The following ACAD9 variants were observed in gnomAD, a reference collection of about 807,000 sequenced individuals.
The protein encoded by ACAD9 is acyl-CoA dehydrogenase family member 9, also known as complex I assembly factor ACAD9, mitochondrial.
In ACAD9, 53 loss-of-function variants were observed where a neutral mutation model predicts 70.2. That is an observed-to-expected ratio of 0.75 (90% CI 0.61 to 0.95). The LOEUF is 0.95. Among genes scored for constraint, ACAD9 ranks in the 40% least tolerant of loss-of-function variants. The pLI, the probability that ACAD9 is intolerant of heterozygous loss-of-function variation, is 0.00. For missense variants in ACAD9, 777 were observed against 802.8 expected (o/e 0.97, Z 0.39); for synonymous variants, 313 against 312.1 (o/e 1.00, Z -0.03).
chr3:128,906,882 A>AATT (rs1210968777), intron 12 of ACAD9, among the ~76,000 whole-genome samples: 1 of 152,170 alleles, frequency 6.6e-6, no homozygotes, highest in African/African-American at 2.4e-5. Flanking sequence ...ACAGCAGAGG[A>AATT]ATTTGGAAGC....
At chr3:128,887,180 A>G (rs1479921117) in intron 2 of ACAD9, among the ~76,000 whole-genome samples, 1 of 152,076 alleles carries the variant, frequency 6.6e-6, no homozygotes, top group South Asian at 2.1e-4. Flanking sequence ...CTGTAATCCA[A>G]AGTGCTGGGA....
At chr3:128,909,748 G>A (rs2107663802) in intron 15 of ACAD9, 2 of 603,432 alleles carry the variant, frequency 3.3e-6, no homozygotes, top group Non-Finnish European at 5.8e-6. Flanking sequence ...GCTGAAGGTG[G>A]CAGTAGCACA....
chr3:128,891,643 G>A (rs1935424816), intron 2 of ACAD9, among the ~76,000 whole-genome samples: 1 of 152,122 alleles, frequency 6.6e-6, no homozygotes, highest in East Asian at 1.9e-4. Flanking sequence ...AAAAAGAAAA[G>A]TCTGTTTCAT....
chr3:128,889,543 CCT>C (rs543284552), intron 2 of ACAD9, among the ~76,000 whole-genome samples: 239 of 152,338 alleles, frequency 1.6e-3, no homozygotes, highest in Middle Eastern at 3.4e-3. Context: ...TTATTTCCCC[CCT>C]GTTTCCAGGC....
chr3:128,906,048 T>G lies in ACAD9; in HGVS notation c.1150-73T>G. 2.5e-6 allele frequency: 4 copies of G among 1,609,236 alleles called. No homozygotes were observed. The South Asian group carries it at 4.4e-5, about 18-fold the overall frequency. On this transcript the variant is annotated intron_variant, in intron 11 of 17. Coordinates refer to ENST00000308982, the MANE Select transcript of ACAD9 (RefSeq NM_014049.5). ...CCTCCCCAAGCCCGTGTGCCTCCCA[T>G]GCCTCCCCAGCCACCCAGCTCCCTG...
At chr3:128,909,513 C>G in intron 15 of ACAD9, 92 bp downstream of exon 15, 1 of 1,341,332 alleles carries the variant, frequency 7.5e-7, no homozygotes, top group Non-Finnish European at 1.1e-6. Flanking sequence ...CCTTTGGGAC[C>G]AGGCCTAGAA....
At chr3:128,895,450 T>A (rs1935544732) in intron 4 of ACAD9, 34 bp downstream of exon 4, 2 of 1,561,158 alleles carry the variant, frequency 1.3e-6, no homozygotes, top group East Asian at 4.7e-5. Flanking sequence ...TGGTGCTCTC[T>A]GTAGGTCTTC....
At chr3:128,903,786 G>A (rs940459989) in intron 9 of ACAD9, among the ~76,000 whole-genome samples, 18 of 152,274 alleles carry the variant, frequency 1.2e-4, no homozygotes, top group African/African-American at 3.9e-4. Context: ...GGGAGGTGTC[G>A]CACTCGGCCT....
intron 2 of ACAD9, among the ~76,000 whole-genome samples, chr3:128,891,512 T>C (rs775145876): frequency 2.6e-5 from 4 of 152,126 alleles, no homozygotes; most frequent in Non-Finnish European, 5.9e-5. Context: ...TCCCAGCTAC[T>C]TGGGAGGCTG....
chr3:128,894,116 C>A (rs960750306), intron 3 of ACAD9, among the ~76,000 whole-genome samples: 2 of 152,178 alleles, frequency 1.3e-5, no homozygotes, highest in Non-Finnish European at 1.5e-5. Flanking sequence ...GTGTAGAAGG[C>A]AAGGTAGACC....
chr3:128,887,514 G>C (rs1935285235), intron 2 of ACAD9, among the ~76,000 whole-genome samples: 1 of 151,696 alleles, frequency 6.6e-6, no homozygotes, highest in Non-Finnish European at 1.5e-5. Context: ...GTCTGAGGTG[G>C]GAGAAGGTAC....
In ACAD9 at chr3:128,879,656, G is replaced by A; in HGVS notation, c.-36G>A. 4.4e-6 allele frequency: 7 copies of A among 1,608,760 alleles called. No individual in the cohort carries two copies. The highest frequency in any genetic ancestry group is 5.9e-6 in the Non-Finnish European group (7 of 1,178,380). ...GTGTGTCCCTGCGGCGCTAAGAAGGGGAGACTGAGGCTGAGGCTGGGGAAC... is the reference window on the plus strand; with the variant it reads ...GTGTGTCCCTGCGGCGCTAAGAAGGAGAGACTGAGGCTGAGGCTGGGGAAC... On this transcript the variant is annotated 5_prime_UTR_variant, in exon 1 of 18. Coordinates refer to ENST00000308982, the MANE Select transcript of ACAD9 (RefSeq NM_014049.5).
At position 128,910,144 on chromosome 3, in the gene ACAD9, C is replaced by G. The variant is rs1057518752; in HGVS notation, c.1687C>G (p.His563Asp). The G allele has an allele frequency of 1.2e-6, 2 of 1,614,076 alleles. No individual in the cohort carries two copies. Among genetic ancestry groups the G allele is most frequent in the Non-Finnish European group, 1.7e-6 (2 of 1,180,046 alleles). The change falls in exon 16 of 18, where the codon CAC becomes GAC. Residue 563 changes from histidine to aspartate, a missense_variant. Transcript: ENST00000308982. ...CCGCATTGGGCTCCGCAACCACGACCACGAGGTGAGCCCAGCCCAGCCTCA... is the reference window on the plus strand; with the variant it reads ...CCGCATTGGGCTCCGCAACCACGACGACGAGGTGAGCCCAGCCCAGCCTCA... ...SIRIGLRNHDHEVLLANTFCV... is the reference protein window; with the variant it reads ...SIRIGLRNHDDEVLLANTFCV...
chr3:128,883,375 T>C (rs1388359835), intron 1 of ACAD9, among the ~76,000 whole-genome samples: 3 of 152,014 alleles, frequency 2.0e-5, no homozygotes, highest in Non-Finnish European at 4.4e-5. Context: ...TTTCTTTTTT[T>C]TTTATGGAGT....
chr3:128,882,126 C>G (rs991390319), intron 1 of ACAD9, among the ~76,000 whole-genome samples: 2 of 152,084 alleles, frequency 1.3e-5, no homozygotes, highest in Admixed American at 6.5e-5. Context: ...TAGATCCTCC[C>G]ACTTCAGCAT....
intron 8 of ACAD9, 37 bp downstream of exon 8, chr3:128,901,386 G>T: frequency 1.9e-6 from 3 of 1,610,174 alleles, no homozygotes; most frequent in Non-Finnish European, 2.6e-6. Context: ...ACCAGGTAGT[G>T]TCATGAGTGC....
In ACAD9 at chr3:128,910,054, G is replaced by T. The variant is rs1238781871; in HGVS notation, c.1597G>T (p.Val533Leu). ...GGAGGAGCAGCTGGTACTGAAGCGGGTGGCCAACATCCTCATCAACCTGTA... is the reference window on the plus strand; with the variant it reads ...GGAGGAGCAGCTGGTACTGAAGCGGTTGGCCAACATCCTCATCAACCTGTA... ...IMEEQLVLKRVANILINLYGM... is the reference protein window; with the variant it reads ...IMEEQLVLKRLANILINLYGM... The change falls in exon 16 of 18, where the codon GTG (valine) becomes TTG (leucine). Residue 533 changes from valine to leucine, a missense_variant. Physicochemically the swap from Val to Leu is conservative, Grantham distance 32 (BLOSUM62 1). Coordinates refer to ENST00000308982, the MANE Select transcript of ACAD9 (RefSeq NM_014049.5). 2.5e-6 allele frequency: 4 copies of T among 1,613,956 alleles called. No individual in the cohort carries two copies. The highest frequency in any genetic ancestry group is 3.4e-6 in the Non-Finnish European group (4 of 1,180,002).
At chr3:128,893,482 A>G (rs1439884680) in intron 2 of ACAD9, 73 bp from the exon 3 acceptor site, 8 of 1,193,374 alleles carry the variant, frequency 6.7e-6, no homozygotes, top group Non-Finnish European at 8.6e-6. Context: ...TTAATATATA[A>G]ACACTGTCCT....
At chr3:128,901,222 A>G (rs1935729064) in intron 7 of ACAD9, 54 bp from the exon 8 acceptor site, 1 of 1,511,580 alleles carries the variant, frequency 6.6e-7, no homozygotes, top group Non-Finnish European at 9.2e-7. Flanking sequence ...CTTGCAGGTC[A>G]GATGCAGAGT....
Sources: gnomAD v4.1 joint callset for allele counts (sites outside exome capture counted in the v4.1 genomes callset) on GRCh38, gnomAD v4.1.1 for gene constraint, MANE v1.5 for transcripts, NCBI Gene and HGNC (gene_info 2026-07-23, HGNC 2026-07-21) for gene names.